The following FTCDNL1 variants were observed in gnomAD, a reference collection of about 807,000 sequenced individuals.
FTCDNL1 encodes the protein formiminotransferase N-terminal subdomain-containing protein.
A neutral mutation model predicts 5.9 loss-of-function variants in FTCDNL1; 11 were observed. The observed-to-expected ratio is 1.87, with a 90% CI of 1.18 to 3.10. FTCDNL1 has a LOEUF of 3.10. Ranked by LOEUF, FTCDNL1 falls within the 30% of genes most tolerant of loss-of-function variation. The pLI is 0.00. For synonymous variants in FTCDNL1, 58 were observed against 24.8 expected (o/e 2.34, Z -3.99); for missense variants, 115 against 65.5 (o/e 1.76, Z -2.61).
intron 3 of FTCDNL1, among the ~76,000 whole-genome samples, chr2:199,793,156 T>A (rs1166019032): frequency 6.6e-6 from 1 of 152,130 alleles, no homozygotes. Flanking sequence ...GGAATTAACA[T>A]CTCTAACTGC....
At chr2:199,665,688 G>A in the FTCDNL1 span, among the ~76,000 whole-genome samples, 2 of 27,136 alleles carry the variant, frequency 7.4e-5, no homozygotes, top group African/African-American at 2.0e-4. Flanking sequence ...GGCCGGGCGC[G>A]GTGGCTCAAG....
chr2:199,671,819 A>G, the FTCDNL1 span, among the ~76,000 whole-genome samples: 15 of 152,152 alleles, frequency 9.9e-5, no homozygotes, highest in Non-Finnish European at 1.8e-4. Flanking sequence ...CACCATATAT[A>G]TCTTAAGAGG....
At chr2:199,819,489 A>G in intron 4 of FTCDNL1, 83 bp downstream of exon 4, 1 of 673,796 alleles carries the variant, frequency 1.5e-6, no homozygotes, top group Non-Finnish European at 2.7e-6. Context: ...CTCTTCCTGC[A>G]TTAACAGGGT....
chr2:199,804,862 A>T (rs935961388), downstream of FTCDNL1, among the ~76,000 whole-genome samples: 6 of 152,240 alleles, frequency 3.9e-5, no homozygotes, highest in Non-Finnish European at 7.3e-5. Flanking sequence ...AAAAATTGTC[A>T]ACAGTTGTTG....
the FTCDNL1 span, among the ~76,000 whole-genome samples, chr2:199,693,651 A>G: frequency 2.0e-5 from 3 of 152,228 alleles, no homozygotes; most frequent in Non-Finnish European, 4.4e-5. Context: ...TTTATTAACC[A>G]TATGACCTTA....
chr2:199,763,333 T>C (rs1304979477), intron 3 of FTCDNL1, among the ~76,000 whole-genome samples: 1 of 152,174 alleles, frequency 6.6e-6, no homozygotes, highest in Admixed American at 6.5e-5. Flanking sequence ...CACCAAGTTT[T>C]GCAGAGCCTT....
chr2:199,829,421 TAG>T (rs967400310), intron 3 of FTCDNL1, among the ~76,000 whole-genome samples: 2 of 152,224 alleles, frequency 1.3e-5, no homozygotes, highest in African/African-American at 4.8e-5. Context: ...GGCTTAACTT[TAG>T]AGACTTCTGT....
intron 3 of FTCDNL1, chr2:199,760,920 TTCC>T: frequency 1.4e-6 from 1 of 696,598 alleles, no homozygotes; most frequent in East Asian, 2.7e-5. Context: ...CCCCATTCCT[TTCC>T]TTGCTTCACT....
At chr2:199,839,703 G>C (rs568950109) in intron 3 of FTCDNL1, among the ~76,000 whole-genome samples, 1 of 152,186 alleles carries the variant, frequency 6.6e-6, no homozygotes, top group African/African-American at 2.4e-5. Flanking sequence ...AGAAATGAAA[G>C]GTCACATACA....
chr2:199,754,376 C>A, the FTCDNL1 span, among the ~76,000 whole-genome samples: 4 of 152,122 alleles, frequency 2.6e-5, no homozygotes, highest in Non-Finnish European at 5.9e-5. Context: ...ATGGGCTGAA[C>A]TGTGGAAGTG....
intron 3 of FTCDNL1, among the ~76,000 whole-genome samples, chr2:199,796,124 G>A (rs1178315712): frequency 2.0e-5 from 3 of 151,982 alleles, no homozygotes; most frequent in Non-Finnish European, 4.4e-5. Context: ...AAATACAATA[G>A]AACATGCAGA....
chr2:199,776,826 G>A (rs1228834427), intron 3 of FTCDNL1, among the ~76,000 whole-genome samples: 1 of 151,832 alleles, frequency 6.6e-6, no homozygotes, highest in Non-Finnish European at 1.5e-5. Flanking sequence ...GTGTGTGTAT[G>A]ATTATATATT....
the FTCDNL1 span, among the ~76,000 whole-genome samples, chr2:199,673,299 G>C: frequency 7.9e-6 from 1 of 126,738 alleles, no homozygotes; most frequent in Non-Finnish European, 1.5e-5. Context: ...TTGCACTCCA[G>C]CTTGGTTGAT....
chr2:199,842,839 C>A (rs762544777), intron 3 of FTCDNL1, among the ~76,000 whole-genome samples: 5 of 151,846 alleles, frequency 3.3e-5, no homozygotes, highest in African/African-American at 4.8e-5. Flanking sequence ...TCTGGGAAAG[C>A]CTTATTCTAG....
intron 1 of FTCDNL1, 136 bp downstream of exon 1, chr2:199,850,604 C>G (rs2076850755): frequency 6.6e-6 from 1 of 152,346 alleles, no homozygotes; most frequent in East Asian, 1.9e-4. Context: ...CAGGGAGATC[C>G]TAGTCCTCCC....
intron 3 of FTCDNL1, among the ~76,000 whole-genome samples, chr2:199,763,306 G>C (rs1383590193): frequency 2.0e-5 from 3 of 152,134 alleles, no homozygotes; most frequent in Non-Finnish European, 4.4e-5. Flanking sequence ...CTCTCCCCCA[G>C]CGTGACTTGT....
At chr2:199,747,171 A>C in the FTCDNL1 span, among the ~76,000 whole-genome samples, 3 of 152,210 alleles carry the variant, frequency 2.0e-5, no homozygotes, top group African/African-American at 7.2e-5. Context: ...ATGTGGATTA[A>C]ATTTCCCTCA....
the FTCDNL1 span, among the ~76,000 whole-genome samples, chr2:199,688,890 T>C: frequency 1.3e-5 from 2 of 152,164 alleles, no homozygotes; most frequent in Non-Finnish European, 2.9e-5. Flanking sequence ...TCCTCCATTA[T>C]TTCTATAGCA....
chr2:199,777,415 G>A (rs906604857), intron 3 of FTCDNL1, among the ~76,000 whole-genome samples: 3 of 152,200 alleles, frequency 2.0e-5, no homozygotes, highest in Non-Finnish European at 4.4e-5. Context: ...AGTTGATGCT[G>A]CAGCTCAAAT....
Sources: allele counts gnomAD v4.1 joint callset (sites outside exome capture counted in the v4.1 genomes callset), GRCh38; gene constraint gnomAD v4.1.1; transcripts MANE v1.5; gene names NCBI Gene and HGNC (gene_info 2026-07-23, HGNC 2026-07-21).